The following RB1 variants were observed in gnomAD, a reference collection of about 807,000 sequenced individuals.
RB1 encodes retinoblastoma-associated protein.
RB1 carries 18 observed loss-of-function variants against 135.4 expected under a neutral mutation model. The observed-to-expected ratio is 0.13, with a 90% confidence interval of 0.09 to 0.20. RB1 has a LOEUF of 0.20. Among genes scored for constraint, RB1 ranks in the 10% least tolerant of loss-of-function variants. The pLI, the probability that RB1 is intolerant of heterozygous loss-of-function variation, is 1.00. For missense variants in RB1, 868 were observed against 1,110.0 expected, an observed-to-expected ratio of 0.78 and a Z score of 3.10; for synonymous variants, 365 against 373.2, an observed-to-expected ratio of 0.98 and a Z score of 0.25.
At chr13:48,437,976 T>C (rs1196935876) in intron 17 of RB1, among the ~76,000 whole-genome samples, 1 of 152,188 alleles carries the variant, frequency 6.6e-6, no homozygotes, top group Non-Finnish European at 1.5e-5. Flanking sequence ...TTTGCTGTAG[T>C]TAATTTGACT....
intron 2 of RB1, 60 bp from the exon 3 acceptor site, chr13:48,342,539 C>T: frequency 1.9e-6 from 2 of 1,025,934 alleles, no homozygotes; most frequent in Admixed American, 3.4e-5. Context: ...ACAGTTTTAA[C>T]ATAGTATCCA....
At chr13:48,449,859 C>G (rs1949315249) in intron 17 of RB1, among the ~76,000 whole-genome samples, 1 of 152,150 alleles carries the variant, frequency 6.6e-6, no homozygotes, top group South Asian at 2.1e-4. Flanking sequence ...TGTTTATCTT[C>G]TGCAGATTCC....
chr13:48,463,500 AC>A (rs1463453623), intron 20 of RB1, among the ~76,000 whole-genome samples: 1 of 152,204 alleles, frequency 6.6e-6, no homozygotes, highest in East Asian at 1.9e-4. Context: ...TAATTTACAA[AC>A]CAGGTGATCA....
chr13:48,416,913 C>T (rs1401239775), intron 17 of RB1, among the ~76,000 whole-genome samples: 1 of 152,184 alleles, frequency 6.6e-6, no homozygotes, highest in African/African-American at 2.4e-5. Context: ...GGCAGCAGCC[C>T]CAGTCAGGGG....
chr13:48,396,862 G>T (rs1352504562), intron 17 of RB1, among the ~76,000 whole-genome samples: 2 of 152,148 alleles, frequency 1.3e-5, no homozygotes, highest in African/African-American at 2.4e-5. Context: ...CTCAAAAGAA[G>T]ATATTTATGT....
chr13:48,358,385 T>A (rs78924207), intron 6 of RB1, among the ~76,000 whole-genome samples: 1 of 152,260 alleles, frequency 6.6e-6, no homozygotes, highest in East Asian at 1.9e-4. Context: ...GAATATCCCT[T>A]CACTCTGCAC....
At chr13:48,390,150 A>G (rs893882852) in intron 17 of RB1, among the ~76,000 whole-genome samples, 3 of 152,174 alleles carry the variant, frequency 2.0e-5, no homozygotes, top group Non-Finnish European at 4.4e-5. Context: ...CTGCCTCAAA[A>G]ACAAACAAAA....
chr13:48,442,092 C>G (rs1949242647), intron 17 of RB1, among the ~76,000 whole-genome samples: 1 of 152,188 alleles, frequency 6.6e-6, no homozygotes, highest in Non-Finnish European at 1.5e-5. Context: ...CTTTGACTTT[C>G]ATCATATTCA....
At chr13:48,444,418 G>A (rs1299045808) in intron 17 of RB1, 4 of 152,354 alleles carry the variant, frequency 2.6e-5, no homozygotes, top group Non-Finnish European at 5.9e-5. Flanking sequence ...TCCAGAGGCT[G>A]AGGCACGAGA....
At chr13:48,304,863 G>C (rs1392912989) in intron 1 of RB1, among the ~76,000 whole-genome samples, 1 of 152,056 alleles carries the variant, frequency 6.6e-6, no homozygotes, top group Non-Finnish European at 1.5e-5. Context: ...AACCAGCAAG[G>C]ATCTTGGTGT....
chr13:48,415,453 T>C (rs1466735673), intron 17 of RB1, among the ~76,000 whole-genome samples: 1 of 152,034 alleles, frequency 6.6e-6, no homozygotes, highest in East Asian at 1.9e-4. Flanking sequence ...CTAATTTTTG[T>C]ATTTTTAGTA....
intron 11 of RB1, among the ~76,000 whole-genome samples, chr13:48,369,157 A>G (rs1952733358): frequency 6.6e-6 from 1 of 152,222 alleles, no homozygotes; most frequent in Non-Finnish European, 1.5e-5. Context: ...AGAAAAAATT[A>G]AAGTATCACT....
At chr13:48,442,137 T>C (rs922661355) in intron 17 of RB1, among the ~76,000 whole-genome samples, 13 of 152,230 alleles carry the variant, frequency 8.5e-5, no homozygotes, top group African/African-American at 3.1e-4. Flanking sequence ...CTATTCCTCT[T>C]TTAATGTCTG....
chr13:48,364,838 G>A (rs1952679085), intron 8 of RB1, 56 bp from the exon 9 acceptor site: 1 of 1,531,626 alleles, frequency 6.5e-7, no homozygotes. Flanking sequence ...CAAGAGTCAA[G>A]AGATTAGATT....
chr13:48,359,735 C>A (rs1310967188), intron 6 of RB1, among the ~76,000 whole-genome samples: 1 of 150,874 alleles, frequency 6.6e-6, no homozygotes, highest in Non-Finnish European at 1.5e-5. Flanking sequence ...TGATTTTAGA[C>A]ATAAAGAATT....
At chr13:48,434,979 A>G (rs1406140397) in intron 17 of RB1, among the ~76,000 whole-genome samples, 1 of 152,216 alleles carries the variant, frequency 6.6e-6, no homozygotes, top group Non-Finnish European at 1.5e-5. Context: ...GAAGAATATC[A>G]GGACAGGTTC....
In RB1 at chr13:48,421,857, G is replaced by C. The variant is rs916473523; in HGVS notation, c.1696-31136G>C. On this transcript the variant is annotated intron_variant, in intron 17 of 26. Coordinates refer to ENST00000267163, the MANE Select transcript of RB1 (RefSeq NM_000321.3). ...CCGTTAGAATGGCGATTATTAAAAC[G>C]TCAGGAAACAACAGATGCTGGAGAG... Among the ~76,000 whole-genome samples, 11 of 152,264 alleles carry C rather than the reference G, an allele frequency of 7.2e-5. No individual in the cohort carries two copies. The East Asian group carries it at 2.1e-3, about 29-fold the overall frequency.
chr13:48,419,859 A>C (rs552136960), intron 17 of RB1, among the ~76,000 whole-genome samples: 55 of 152,366 alleles, frequency 3.6e-4, no homozygotes, highest in Non-Finnish European at 6.9e-4. Flanking sequence ...ATCCCTGAAT[A>C]GACCAATAAC....
chr13:48,349,811 A>G (rs1300841117), intron 6 of RB1, among the ~76,000 whole-genome samples: 4 of 152,084 alleles, frequency 2.6e-5, no homozygotes, highest in Non-Finnish European at 5.9e-5. Context: ...CTTTGCCTAT[A>G]AAGACACATA....
Sources: gnomAD v4.1 joint callset for allele counts (sites outside exome capture counted in the v4.1 genomes callset) on GRCh38, gnomAD v4.1.1 for gene constraint, MANE v1.5 for transcripts, NCBI Gene and HGNC (gene_info 2026-07-23, HGNC 2026-07-21) for gene names.